PXDNL: variants seen among roughly 807,000 people sequenced by gnomAD.
The protein encoded by PXDNL is probable oxidoreductase PXDNL.
Under a neutral mutation model 150.8 loss-of-function variants are expected in PXDNL, and 145 were observed. That is an observed-to-expected ratio of 0.96 (90% confidence interval 0.84 to 1.10). The LOEUF is 1.10. Among genes scored for constraint, PXDNL ranks in the 50% least tolerant of loss-of-function variants. The pLI, the probability that PXDNL is intolerant of heterozygous loss-of-function variation, is 0.00. For missense variants in PXDNL, 2,087 were observed against 1,873.9 expected, an observed-to-expected ratio of 1.11 and a Z score of -2.10; for synonymous variants, 757 against 725.7, an observed-to-expected ratio of 1.04 and a Z score of -0.69.
At chr8:51,490,562 C>A (rs1810865315) in intron 5 of PXDNL, among the ~76,000 whole-genome samples, 1 of 150,594 alleles carries the variant, frequency 6.6e-6, no homozygotes, top group African/African-American at 2.4e-5. Flanking sequence ...AATTACATAC[C>A]AATGAATGGA....
intron 1 of PXDNL, among the ~76,000 whole-genome samples, chr8:51,756,229 G>A (rs936364141): frequency 6.6e-6 from 1 of 151,930 alleles, no homozygotes; most frequent in Non-Finnish European, 1.5e-5. Flanking sequence ...TACCATCTCT[G>A]CAAAACATAC....
chr8:51,570,946 C>T (rs1425180293), intron 3 of PXDNL, among the ~76,000 whole-genome samples: 1 of 151,750 alleles, frequency 6.6e-6, no homozygotes, highest in Non-Finnish European at 1.5e-5. Flanking sequence ...TCTCACTATA[C>T]TTGGGGGCAA....
intron 1 of PXDNL, among the ~76,000 whole-genome samples, chr8:51,740,493 G>T (rs372760655): frequency 6.6e-6 from 1 of 152,178 alleles, no homozygotes. Flanking sequence ...ACTAGCATCT[G>T]TTGCTTCTTG....
intron 20 of PXDNL, among the ~76,000 whole-genome samples, chr8:51,342,132 G>A (rs185799582): frequency 1.3e-5 from 2 of 151,910 alleles, no homozygotes; most frequent in Admixed American, 1.3e-4. Context: ...CTCATGTTAA[G>A]TGTTCTTATC....
At position 51,796,153 on chromosome 8, in the gene PXDNL, G is replaced by T. The variant is rs2037557879; in HGVS notation, c.164+13028C>A. On this transcript the variant is annotated intron_variant, in intron 1 of 22. Coordinates refer to ENST00000356297, the MANE Select transcript of PXDNL (RefSeq NM_144651.5). ...TAATATTTTTCCCACCAGCCTGAATGAACCCCCACAACTAGAAAGATCTCA... is the reference window on the plus strand; with the variant it reads ...TAATATTTTTCCCACCAGCCTGAATTAACCCCCACAACTAGAAAGATCTCA... 2.6e-5 allele frequency among the ~76,000 whole-genome samples: 4 copies of T among 151,930 alleles called. 1 individual carries two copies. The highest frequency in any genetic ancestry group is 2.0e-4 in the Admixed American group (3 of 15,244).
chr8:51,504,510 C>G (rs141953792), intron 4 of PXDNL, among the ~76,000 whole-genome samples: 1 of 152,284 alleles, frequency 6.6e-6, no homozygotes, highest in Non-Finnish European at 1.5e-5. Context: ...GACCTGTTTT[C>G]AGATCTTACT....
intron 14 of PXDNL, among the ~76,000 whole-genome samples, chr8:51,414,695 A>G (rs1046263425): frequency 1.3e-5 from 2 of 152,188 alleles, no homozygotes; most frequent in Non-Finnish European, 2.9e-5. Flanking sequence ...AAGAACATGA[A>G]CAAAATAACT....
intron 14 of PXDNL, among the ~76,000 whole-genome samples, chr8:51,422,221 A>G (rs1050952862): frequency 6.6e-6 from 1 of 152,140 alleles, no homozygotes; most frequent in Non-Finnish European, 1.5e-5. Context: ...GGTGAGTTGT[A>G]TAATTATTTC....
At chr8:51,370,508 G>C (rs1807067916) in intron 19 of PXDNL, among the ~76,000 whole-genome samples, 1 of 152,196 alleles carries the variant, frequency 6.6e-6, no homozygotes, top group Non-Finnish European at 1.5e-5. Flanking sequence ...TAATCACTAA[G>C]AACTTGAGGT....
chr8:51,723,917 G>A (rs1816776370), intron 1 of PXDNL, among the ~76,000 whole-genome samples: 3 of 152,198 alleles, frequency 2.0e-5, no homozygotes, highest in Admixed American at 2.0e-4. Context: ...CCAGGAGAGA[G>A]ATGATCTGCA....
At chr8:51,373,187 T>C (rs144821483) in intron 18 of PXDNL, among the ~76,000 whole-genome samples, 1 of 152,298 alleles carries the variant, frequency 6.6e-6, no homozygotes, top group East Asian at 1.9e-4. Flanking sequence ...GTATGTCTGG[T>C]GTCCTTATAA....
chr8:51,686,832 A>G (rs1815887017), intron 1 of PXDNL, among the ~76,000 whole-genome samples: 2 of 152,278 alleles, frequency 1.3e-5, no homozygotes, highest in South Asian at 4.1e-4. Context: ...ACCTCACAAT[A>G]AAAAATAAAA....
chr8:51,796,257 A>G (rs537472362), intron 1 of PXDNL, among the ~76,000 whole-genome samples: 1 of 152,270 alleles, frequency 6.6e-6, no homozygotes, highest in East Asian at 1.9e-4. Context: ...GAAAACAAAA[A>G]ATAACCAAGA....
intron 18 of PXDNL, among the ~76,000 whole-genome samples, chr8:51,372,528 G>GCTC (rs1807156137): frequency 1.3e-5 from 2 of 152,142 alleles, no homozygotes; most frequent in Admixed American, 6.5e-5. Context: ...GGGATTACAG[G>GCTC]CTCCTGTCAC....
At chr8:51,656,220 A>C (rs942934986) in intron 1 of PXDNL, among the ~76,000 whole-genome samples, 1 of 152,320 alleles carries the variant, frequency 6.6e-6, no homozygotes. Context: ...TGACTCACAA[A>C]ACTTTATAAG....
chr8:51,610,732 T>C (rs1436001896), intron 2 of PXDNL, among the ~76,000 whole-genome samples: 1 of 152,152 alleles, frequency 6.6e-6, no homozygotes, highest in Non-Finnish European at 1.5e-5. Context: ...TCTTCCAAAC[T>C]CTTTCAAGTT....
At chr8:51,650,449 T>C (rs1161050042) in intron 2 of PXDNL, among the ~76,000 whole-genome samples, 1 of 152,160 alleles carries the variant, frequency 6.6e-6, no homozygotes, top group Non-Finnish European at 1.5e-5. Flanking sequence ...TCTCCTGATG[T>C]TGTGATTTTG....
At chr8:51,467,507 C>T (rs370405126) in intron 8 of PXDNL, among the ~76,000 whole-genome samples, 7 of 152,116 alleles carry the variant, frequency 4.6e-5, no homozygotes, top group African/African-American at 1.7e-4. Context: ...GAAAAACTAC[C>T]TATTTGTTAC....
chr8:51,426,235 C>A (rs1356535866), intron 13 of PXDNL, among the ~76,000 whole-genome samples: 1 of 152,130 alleles, frequency 6.6e-6, no homozygotes, highest in African/African-American at 2.4e-5. Flanking sequence ...ACTACTTTTT[C>A]TTGTTTAACA....
Sources: allele counts gnomAD v4.1 joint callset (sites outside exome capture counted in the v4.1 genomes callset), GRCh38; gene constraint gnomAD v4.1.1; transcripts MANE v1.5; gene names NCBI Gene and HGNC (gene_info 2026-07-23, HGNC 2026-07-21).